Variants in EPHA6 observed in about 807,000 individuals in gnomAD.
EPHA6 encodes the protein ephrin type-A receptor 6.
Under a neutral mutation model 112.0 loss-of-function variants are expected in EPHA6, and 50 were observed. That is an observed-to-expected ratio of 0.45 (90% confidence interval 0.36 to 0.56). The LOEUF is 0.56. Among genes scored for constraint, EPHA6 ranks in the 20% least tolerant of loss-of-function variants. EPHA6 has a pLI of 0.00. For missense variants in EPHA6, 1,280 were observed against 1,417.4 expected (o/e 0.90, Z 1.56); for synonymous variants, 529 against 490.7 (o/e 1.08, Z -1.03).
At chr3:97,607,631 A>G (rs2093689537) in intron 12 of EPHA6, among the ~76,000 whole-genome samples, 1 of 151,164 alleles carries the variant, frequency 6.6e-6, no homozygotes, top group South Asian at 2.1e-4. Flanking sequence ...CAAATACATG[A>G]GACTTGAAAA....
chr3:97,406,832 A>T (rs1024397388), intron 6 of EPHA6, among the ~76,000 whole-genome samples: 2 of 152,164 alleles, frequency 1.3e-5, no homozygotes, highest in Non-Finnish European at 2.9e-5. Context: ...TGTGCTCAGA[A>T]ATCTGCTGGG....
At chr3:97,565,676 G>T (rs2093253961) in intron 11 of EPHA6, among the ~76,000 whole-genome samples, 1 of 152,074 alleles carries the variant, frequency 6.6e-6, no homozygotes, top group Admixed American at 6.6e-5. Flanking sequence ...GTATTAGTCA[G>T]CTTTTTGCAT....
At position 97,761,035 on chromosome 3, in the gene EPHA6, AC is replaced by A. The variant is rs1476626692; in HGVS notation, c.*12335del. On this transcript the variant is annotated 3_prime_UTR_variant, in exon 18 of 18. Transcript: ENST00000389672. ...TATGCCTTCCACTCAGGTTCCTGAC[AC>A]AGCCTACATTCTCTTTTCTGGTTAT... The A allele has an allele frequency of 4.8e-6, 1 of 208,850 alleles. No individual in the cohort carries two copies. Among genetic ancestry groups the A allele is most frequent in the Non-Finnish European group, 9.7e-6 (1 of 102,670 alleles). The allele number at this position is 208,850 out of a possible 1,614,324, so 12.9% of individuals were successfully genotyped here.
At position 97,692,651 on chromosome 3, in the gene EPHA6, G is replaced by T. The variant is rs556939961; in HGVS notation, c.2785-27610G>T. 5.3e-5 allele frequency among the ~76,000 whole-genome samples: 8 copies of T among 152,202 alleles called. 1 individual carries two copies. The South Asian group carries it at 1.7e-3, about 32-fold the overall frequency. On this transcript the variant is annotated intron_variant, in intron 14 of 17. Transcript: ENST00000389672. ...ACTGAAACATCTCTCTGTGTGACTCGTTTGCTTTTAATTTATAGTGACATC... is the reference window on the plus strand; with the variant it reads ...ACTGAAACATCTCTCTGTGTGACTCTTTTGCTTTTAATTTATAGTGACATC...
At chr3:97,594,900 G>T (rs899545438) in intron 12 of EPHA6, among the ~76,000 whole-genome samples, 1 of 152,116 alleles carries the variant, frequency 6.6e-6, no homozygotes, top group East Asian at 1.9e-4. Context: ...TTGATTATCG[G>T]TCACAGTATT....
At chr3:97,566,018 C>CAA (rs59606297) in intron 11 of EPHA6, among the ~76,000 whole-genome samples, 16,156 of 81,390 alleles carry the variant, frequency 0.2, 1,209 homozygotes, top group Admixed American at 0.33. Flanking sequence ...GACACCGTCT[C>CAA]AAAAAAAAAA....
At chr3:97,663,815 A>C (rs2094186919) in intron 14 of EPHA6, among the ~76,000 whole-genome samples, 1 of 152,164 alleles carries the variant, frequency 6.6e-6, no homozygotes, top group African/African-American at 2.4e-5. Flanking sequence ...GTGTCTTTAT[A>C]GCAGCATGAT....
chr3:97,179,937 G>C (rs1320302427), intron 3 of EPHA6, among the ~76,000 whole-genome samples: 1 of 152,020 alleles, frequency 6.6e-6, no homozygotes, highest in African/African-American at 2.4e-5. Context: ...TTTATAATCA[G>C]CAGGTGGCAA....
At chr3:97,173,065 A>T (rs974501170) in intron 3 of EPHA6, among the ~76,000 whole-genome samples, 1 of 151,834 alleles carries the variant, frequency 6.6e-6, no homozygotes, top group African/African-American at 2.4e-5. Flanking sequence ...ATTACCTCCC[A>T]TGCCATATAC....
chr3:97,254,003 G>T (rs1237839446), intron 5 of EPHA6, among the ~76,000 whole-genome samples: 1 of 151,928 alleles, frequency 6.6e-6, no homozygotes, highest in African/African-American at 2.4e-5. Flanking sequence ...TTTGGAATAG[G>T]TTTCTCATTC....
intron 3 of EPHA6, among the ~76,000 whole-genome samples, chr3:97,180,681 A>G (rs1010530274): frequency 1.3e-5 from 2 of 151,904 alleles, no homozygotes; most frequent in Admixed American, 6.6e-5. Context: ...GAGACTCACA[A>G]CTCTGACTGA....
chr3:97,013,752 T>C (rs2107953193), intron 3 of EPHA6, among the ~76,000 whole-genome samples: 1 of 152,312 alleles, frequency 6.6e-6, no homozygotes, highest in South Asian at 2.1e-4. Flanking sequence ...TATGAAGATA[T>C]TTCTAAAATA....
chr3:97,007,559 A>G (rs913554089), intron 3 of EPHA6, among the ~76,000 whole-genome samples: 4 of 152,148 alleles, frequency 2.6e-5, no homozygotes, highest in African/African-American at 4.8e-5. Context: ...CTCCTTATCC[A>G]AATCACCAGT....
intron 14 of EPHA6, among the ~76,000 whole-genome samples, chr3:97,676,689 G>T (rs1212403988): frequency 1.3e-5 from 2 of 152,152 alleles, no homozygotes; most frequent in Non-Finnish European, 2.9e-5. Flanking sequence ...AGAGAGACTG[G>T]AGCATAGTGC....
chr3:96,892,411 T>G (rs967825211), intron 2 of EPHA6, among the ~76,000 whole-genome samples: 9 of 151,958 alleles, frequency 5.9e-5, no homozygotes, highest in East Asian at 1.9e-4. Flanking sequence ...TTTATAGAGA[T>G]AGAGTTTCGC....
intron 2 of EPHA6, among the ~76,000 whole-genome samples, chr3:96,943,249 T>C (rs1559611500): frequency 6.6e-6 from 1 of 152,176 alleles, no homozygotes; most frequent in Non-Finnish European, 1.5e-5. Context: ...TATTGTATTC[T>C]ATATTTCAAA....
intron 4 of EPHA6, among the ~76,000 whole-genome samples, chr3:97,241,827 A>G (rs1559821674): frequency 1.3e-5 from 2 of 149,230 alleles, no homozygotes; most frequent in East Asian, 2.0e-4. Flanking sequence ...CACCCATAAC[A>G]TAATTGATAA....
chr3:96,899,520 T>C (rs940299197), intron 2 of EPHA6, among the ~76,000 whole-genome samples: 6 of 152,214 alleles, frequency 3.9e-5, no homozygotes, highest in Non-Finnish European at 5.9e-5. Flanking sequence ...CAATCAAATA[T>C]GTAGACTAAT....
At chr3:97,273,405 C>G (rs756309656) in intron 5 of EPHA6, among the ~76,000 whole-genome samples, 9 of 152,048 alleles carry the variant, frequency 5.9e-5, no homozygotes, top group Non-Finnish European at 1.0e-4. Flanking sequence ...TATGACTAGA[C>G]AGAAGATAGT....
Sources: allele counts gnomAD v4.1 joint callset (sites outside exome capture counted in the v4.1 genomes callset), GRCh38; gene constraint gnomAD v4.1.1; transcripts MANE v1.5; gene names NCBI Gene and HGNC (gene_info 2026-07-23, HGNC 2026-07-21).